The following PEX14 variants were observed in gnomAD, a reference collection of about 807,000 sequenced individuals.
The protein encoded by PEX14 is peroxisomal biogenesis factor 14, also known as peroxisomal membrane protein PEX14.
In PEX14, 15 loss-of-function variants were observed where a neutral mutation model predicts 49.5. The ratio of observed to expected loss-of-function variants is 0.30; its 90% CI spans 0.20 to 0.47. The LOEUF is 0.47. PEX14 is among the 20% of genes least tolerant of loss of function. The pLI is 1.00. For missense variants in PEX14, 398 were observed against 494.8 expected (o/e 0.80, Z 1.86); for synonymous variants, 210 against 212.7 (o/e 0.99, Z 0.11).
Position 10,587,918 on chromosome 1 carries a change from T to A in PEX14, c.170-11320T>A, listed in dbSNP as rs1165247181. On this transcript the variant is annotated intron_variant, in intron 3 of 8. Coordinates refer to ENST00000356607, the MANE Select transcript of PEX14 (RefSeq NM_004565.3). ...TGCTTTTTTTTTTTTTTTTTTTTTTTTTAAAAAAAAAAGAGATGGAGTCTT... is the reference window on the plus strand; with the variant it reads ...TGCTTTTTTTTTTTTTTTTTTTTTTATTAAAAAAAAAAGAGATGGAGTCTT... Among the ~76,000 whole-genome samples the A allele has an allele frequency of 4.3e-3, 450 of 104,134 alleles. 2 individuals carry two copies. The highest frequency in any genetic ancestry group is 0.011 in the African/African-American group (315 of 27,874). 68.3% of individuals were successfully genotyped at this position (104,134 alleles called of 152,430 possible). A position where few individuals can be genotyped will look rare whatever the true frequency, so the allele number is the denominator to read the frequency against.
At chr1:10,608,731 T>A (rs1047224172) in intron 4 of PEX14, among the ~76,000 whole-genome samples, 2 of 149,760 alleles carry the variant, frequency 1.3e-5, no homozygotes, top group East Asian at 2.0e-4. Context: ...ATTCCTCTTT[T>A]AAAAAAAAAT....
chr1:10,523,711 G>T (rs954294475), intron 2 of PEX14, among the ~76,000 whole-genome samples: 3 of 151,550 alleles, frequency 2.0e-5, no homozygotes, highest in African/African-American at 7.3e-5. Context: ...CCAAAAAAAG[G>T]CTTCTGTTTG....
At chr1:10,481,823 CT>C (rs34612970) in intron 1 of PEX14, among the ~76,000 whole-genome samples, 71,761 of 116,420 alleles carry the variant, frequency 0.62, 20,726 homozygotes, top group East Asian at 0.75. Context: ...CCATTCTACT[CT>C]TTTTTTTTTT....
chr1:10,544,533 G>A (rs545947990), intron 3 of PEX14, among the ~76,000 whole-genome samples: 2 of 152,228 alleles, frequency 1.3e-5, no homozygotes, highest in African/African-American at 4.8e-5. Flanking sequence ...TTATTGAGGT[G>A]TAATTGACAT....
rs147683525 is a variant in PEX14, at chr1:10,623,050, G to T, written c.416G>T (p.Arg139Leu). 6.3e-5 allele frequency: 101 copies of T among 1,613,742 alleles called. 1 individual carries two copies. Among genetic ancestry groups the T allele is most frequent in the Non-Finnish European group, 8.6e-5 (101 of 1,179,966 alleles). ...CTGCTCCCCCTCATCCTGGGCGGCC[G>T]AGAGGACAGAAAGCAGCTGGAGAGG... ...KYLLPLILGG[R>L]EDRKQLERME... The change falls in exon 6 of 9, where the codon CGA (arginine) becomes CTA (leucine). Residue 139 changes from arginine (R) to leucine (L), a missense_variant. This residue lies in a region of PEX14 where 202 missense variants were observed against 298.5 expected (regional missense o/e 0.68). Coordinates refer to ENST00000356607, the MANE Select transcript of PEX14 (RefSeq NM_004565.3). This position sits in a 1 kb window ranked among gnomAD's most constrained non-coding sequence, Gnocchi z 4.4.
chr1:10,603,028 A>G (rs1356038409), intron 4 of PEX14, among the ~76,000 whole-genome samples: 1 of 152,222 alleles, frequency 6.6e-6, no homozygotes, highest in Non-Finnish European at 1.5e-5. Flanking sequence ...CAGGGAGCCC[A>G]GTGCTCTTCA....
intron 1 of PEX14, among the ~76,000 whole-genome samples, chr1:10,487,165 T>C (rs1268927838): frequency 6.6e-6 from 1 of 152,170 alleles, no homozygotes; most frequent in East Asian, 1.9e-4. Context: ...TTCTACTCGA[T>C]GTGTTATGCT....
chr1:10,563,291 T>C, intron 3 of PEX14, among the ~76,000 whole-genome samples: 1 of 151,732 alleles, frequency 6.6e-6, no homozygotes, highest in Non-Finnish European at 1.5e-5. Flanking sequence ...TTGGCAGTTA[T>C]TTCCACACTT....
chr1:10,537,341 A>AACCCCCCCCCCCCC (rs1553187430), intron 3 of PEX14, among the ~76,000 whole-genome samples: 5 of 28,430 alleles, frequency 1.8e-4, no homozygotes, highest in African/African-American at 7.1e-4. Context: ...TTGTGCCAGC[A>AACCCCCCCCCCCCC]CCCCCCCCCC....
At chr1:10,497,054 A>G (rs1010240818) in intron 2 of PEX14, among the ~76,000 whole-genome samples, 4 of 151,944 alleles carry the variant, frequency 2.6e-5, no homozygotes, top group African/African-American at 9.7e-5. Flanking sequence ...TTAGGGCCCT[A>G]TTAAAAGGTA....
chr1:10,547,087 T>TG (rs1435420112), intron 3 of PEX14, among the ~76,000 whole-genome samples: 3 of 152,132 alleles, frequency 2.0e-5, no homozygotes, highest in Non-Finnish European at 4.4e-5. Context: ...TGCATGTCCT[T>TG]GCAGCTGTGA....
At chr1:10,481,633 C>T (rs978413175) in intron 1 of PEX14, among the ~76,000 whole-genome samples, 2 of 151,204 alleles carry the variant, frequency 1.3e-5, no homozygotes, top group Admixed American at 6.6e-5. Flanking sequence ...GGTCGGGTCT[C>T]GCTGTGTCGC....
chr1:10,556,430 A>G (rs1052938539), intron 3 of PEX14, among the ~76,000 whole-genome samples: 9 of 151,968 alleles, frequency 5.9e-5, no homozygotes, highest in Admixed American at 5.9e-4. Flanking sequence ...CCTCTCACGC[A>G]CTTTGTCGGT....
chr1:10,485,384 A>G (rs56656969), intron 1 of PEX14, among the ~76,000 whole-genome samples: 1 of 145,532 alleles, frequency 6.9e-6, no homozygotes, highest in African/African-American at 2.6e-5. Context: ...GCAATCATAC[A>G]TAGCTCACTG....
Position 10,628,452 on chromosome 1 carries a change from T to C in PEX14, c.678-1079T>C, listed in dbSNP as rs985222432. On this transcript the variant is annotated intron_variant, in intron 8 of 8. Transcript: ENST00000356607. This position sits in a 1 kb window ranked among gnomAD's most constrained non-coding sequence, Gnocchi z 4.5. ...ATGGGGTGCAGAGGGGTCTTGCGGC[T>C]CCAGCCAGAAGACCCCATTTTCCAA... Among the ~76,000 whole-genome samples, 4 of 152,230 alleles carry C rather than the reference T, an allele frequency of 2.6e-5. No individual in the cohort carries two copies. The highest frequency in any genetic ancestry group is 5.9e-5 in the Non-Finnish European group (4 of 68,036).
At chr1:10,607,260 T>C (rs918623524) in intron 4 of PEX14, among the ~76,000 whole-genome samples, 1 of 152,236 alleles carries the variant, frequency 6.6e-6, no homozygotes, top group Non-Finnish European at 1.5e-5. Context: ...GGTATTCCAT[T>C]GTAGGGATGC....
intron 3 of PEX14, among the ~76,000 whole-genome samples, chr1:10,563,580 G>T (rs1449391149): frequency 6.7e-6 from 1 of 149,662 alleles, no homozygotes; most frequent in Non-Finnish European, 1.5e-5. Flanking sequence ...AGCCGAGATC[G>T]TGCCATTGCA....
intron 3 of PEX14, among the ~76,000 whole-genome samples, chr1:10,564,959 A>G (rs1441316207): frequency 2.2e-5 from 3 of 138,614 alleles, no homozygotes; most frequent in African/African-American, 8.3e-5. Context: ...GCTGGAGTGC[A>G]GTGGCACGAT....
rs2124650674 is a variant in PEX14, at chr1:10,629,826, G to T, written c.973G>T (p.Asp325Tyr). ...GGAGGAGAAGAGGGAGGACAAGGAGGACGAGGAGGATGAGGAGGATGATGA... is the reference window on the plus strand; with the variant it reads ...GGAGGAGAAGAGGGAGGACAAGGAGTACGAGGAGGATGAGGAGGATGATGA... Reference protein sequence around the residue: ...GEEEKREDKEDEEDEEDDDVS... With the variant: ...GEEEKREDKEYEEDEEDDDVS... Residue 325 changes from aspartate (D) to tyrosine (Y), a missense_variant, in exon 9 of 9, where the codon GAC becomes TAC. Physicochemically the swap from Asp to Tyr is radical, Grantham distance 160 (BLOSUM62 -3). This residue lies in a region of PEX14 where 140 missense variants were observed against 155.5 expected (regional missense o/e 0.90). Coordinates refer to ENST00000356607, the MANE Select transcript of PEX14 (RefSeq NM_004565.3). This position sits in a 1 kb window ranked among gnomAD's most constrained non-coding sequence, Gnocchi z 8.5. 6.2e-7 allele frequency: 1 copy of T among 1,600,492 alleles called. No homozygotes were observed. The highest frequency in any genetic ancestry group is 1.1e-5 in the South Asian group (1 of 90,394).
Sources: gnomAD v4.1 joint callset for allele counts (sites outside exome capture counted in the v4.1 genomes callset) on GRCh38, gnomAD v4.1.1 for gene constraint, gnomAD v4.1.1 regional missense constraint, Gnocchi (gnomAD v3.1) non-coding constraint, MANE v1.5 for transcripts, NCBI Gene and HGNC (gene_info 2026-07-23, HGNC 2026-07-21) for gene names.